CYFIP1: variants seen among roughly 807,000 people sequenced by gnomAD.
CYFIP1 encodes the protein cytoplasmic FMR1 interacting protein 1, also known as cytoplasmic FMR1-interacting protein 1.
In CYFIP1, 58 loss-of-function variants were observed where a neutral mutation model predicts 163.5. The observed-to-expected ratio is 0.35, with a 90% confidence interval of 0.29 to 0.44. The LOEUF (loss-of-function observed/expected upper bound fraction) is 0.44, where lower values mean the gene tolerates loss of function less well. Among genes scored for constraint, CYFIP1 ranks in the 20% least tolerant of loss-of-function variants. CYFIP1 has a pLI of 1.00. For synonymous variants in CYFIP1, 663 were observed against 660.7 expected (o/e 1.00, Z -0.05); for missense variants, 1,338 against 1,653.8 (o/e 0.81, Z 3.31).
At chr15:22,916,913 C>T (rs367586619) in intron 15 of CYFIP1, 28 of 1,551,622 alleles carry the variant, frequency 1.8e-5, no homozygotes, top group South Asian at 8.3e-5. Context: ...GGTAGGTGCA[C>T]GACTGCCTCA....
chr15:22,971,617 G>A (rs190447661), intron 1 of CYFIP1, among the ~76,000 whole-genome samples: 9 of 151,254 alleles, frequency 6.0e-5, no homozygotes, highest in East Asian at 3.9e-4. Flanking sequence ...CAGAGGTTGC[G>A]GTGAGCCAAG....
In CYFIP1 at chr15:22,913,548, AAAAG is replaced by A. The variant is rs1410120461; in HGVS notation, c.1985+1174_1985+1177del. On this transcript the variant is annotated intron_variant, in intron 17 of 30. Transcript: ENST00000617928. ...GTCTCAAAAAAAAAAAAAAAAAAAA[AAAAG>A]AAAGAAAGAAAAAAAAGAAAAAATT... is the stretch of plus-strand genomic sequence containing the variant. 5.8e-3 allele frequency among the ~76,000 whole-genome samples: 825 copies of A among 141,352 alleles called. 22 individuals carry two copies. Among genetic ancestry groups the A allele is most frequent in the African/African-American group, 0.023 (775 of 34,368 alleles). 92.7% of individuals were successfully genotyped at this position (141,352 alleles called of 152,430 possible). A position where few individuals can be genotyped will look rare whatever the true frequency, so the allele number is the denominator to read the frequency against.
At chr15:22,900,492 G>A (rs7494987) in intron 22 of CYFIP1, among the ~76,000 whole-genome samples, 28,299 of 150,508 alleles carry the variant, frequency 0.19, 2,994 homozygotes, top group Admixed American at 0.33. Context: ...TCCGCTGCCC[G>A]GGTTCACGCC....
chr15:22,941,603 C>T (rs1047746675), intron 6 of CYFIP1, among the ~76,000 whole-genome samples: 1 of 151,916 alleles, frequency 6.6e-6, no homozygotes, highest in African/African-American at 2.4e-5. Flanking sequence ...GGTTAACCAA[C>T]AGGGGTCCCA....
chr15:22,963,444 T>A (rs1204149891), intron 1 of CYFIP1, among the ~76,000 whole-genome samples: 1 of 151,424 alleles, frequency 6.6e-6, no homozygotes, highest in East Asian at 1.9e-4. Flanking sequence ...GAGCCAAGAC[T>A]GTGCCATTGC....
chr15:22,933,708 G>T, intron 10 of CYFIP1, 94 bp downstream of exon 10: 1 of 865,348 alleles, frequency 1.2e-6, no homozygotes, highest in Non-Finnish European at 1.9e-6. Context: ...AATGTTAACA[G>T]TGTTATCTCT....
chr15:22,935,957 C>T (rs2061698321), intron 9 of CYFIP1, among the ~76,000 whole-genome samples: 1 of 152,122 alleles, frequency 6.6e-6, no homozygotes, highest in Non-Finnish European at 1.5e-5. Context: ...GGGTAGGCCT[C>T]TTAGGGGAGA....
At chr15:22,915,853 C>G (rs984339878) in intron 16 of CYFIP1, among the ~76,000 whole-genome samples, 1 of 152,126 alleles carries the variant, frequency 6.6e-6, no homozygotes, top group Non-Finnish European at 1.5e-5. Context: ...GTCTGTCTAA[C>G]GCAAAAATGA....
At chr15:22,887,517 T>C (rs904835261) in intron 23 of CYFIP1, among the ~76,000 whole-genome samples, 11 of 152,172 alleles carry the variant, frequency 7.2e-5, no homozygotes, top group Non-Finnish European at 1.3e-4. Context: ...AATGACCTCA[T>C]GTTACAAGTG....
chr15:22,948,354 AG>A (rs1347333081), intron 1 of CYFIP1, among the ~76,000 whole-genome samples: 1 of 152,160 alleles, frequency 6.6e-6, no homozygotes, highest in Admixed American at 6.5e-5. Flanking sequence ...AGCGGCACAC[AG>A]GGGGCAGGTC....
At chr15:22,918,065 C>A in intron 14 of CYFIP1, 130 bp from the exon 15 acceptor site, 1 of 1,061,764 alleles carries the variant, frequency 9.4e-7, no homozygotes, top group Non-Finnish European at 1.4e-6. Context: ...ACTCTGGGGG[C>A]CATGGAGGGA....
intron 5 of CYFIP1, 52 bp downstream of exon 5, chr15:22,944,506 C>T: frequency 1.6e-6 from 2 of 1,259,704 alleles, no homozygotes; most frequent in South Asian, 1.3e-5. Context: ...AGGAAGGGGT[C>T]AGCAACCCAC....
At chr15:22,908,495 C>G (rs2060658770) in intron 21 of CYFIP1, among the ~76,000 whole-genome samples, 1 of 134,068 alleles carries the variant, frequency 7.5e-6, no homozygotes, top group Admixed American at 7.4e-5. Flanking sequence ...TGTGGGCTCT[C>G]TTGGTCCCTA....
At chr15:22,901,899 T>C (rs1389174354) in intron 22 of CYFIP1, among the ~76,000 whole-genome samples, 1 of 152,190 alleles carries the variant, frequency 6.6e-6, no homozygotes, top group Non-Finnish European at 1.5e-5. Flanking sequence ...GCAGACACAA[T>C]GGCTTCTACC....
At chr15:22,964,236 T>C (rs1307808293) in intron 1 of CYFIP1, among the ~76,000 whole-genome samples, 1 of 139,658 alleles carries the variant, frequency 7.2e-6, no homozygotes, top group Non-Finnish European at 1.5e-5. Flanking sequence ...ATGTGAACCC[T>C]ACCCCACCCC....
At chr15:22,966,251 A>C (rs945287659) in intron 1 of CYFIP1, among the ~76,000 whole-genome samples, 4 of 151,734 alleles carry the variant, frequency 2.6e-5, no homozygotes, top group African/African-American at 9.7e-5. Flanking sequence ...CTACACACTG[A>C]AATCCCAGCT....
At chr15:22,927,665 G>A (rs1198480238) in intron 12 of CYFIP1, among the ~76,000 whole-genome samples, 3 of 151,642 alleles carry the variant, frequency 2.0e-5, no homozygotes, top group Non-Finnish European at 2.9e-5. Flanking sequence ...AAAAAAGAAC[G>A]ACTTAAAGAA....
At position 22,873,589 on chromosome 15, in the gene CYFIP1, C is replaced by G. The variant is rs1421369340; in HGVS notation, c.3351G>C (p.Gly1117=). 2 of 1,614,120 alleles carry G rather than the reference C, an allele frequency of 1.2e-6. No homozygotes were observed. The highest frequency in any genetic ancestry group is 2.7e-5 in the African/African-American group (2 of 74,944). Residue 1117 remains glycine, a synonymous_variant, in exon 29 of 31, where the codon GGG becomes GGC. Coordinates refer to ENST00000617928, the MANE Select transcript of CYFIP1 (RefSeq NM_014608.6). ...PIWRGPLPSN[G]VMHVDECVEF... ...CCACACACTCGTCCACATGCATGAC[C>G]CCATTGCTGGGCAGAGGCCCGCGCC...
chr15:22,933,261 T>C (rs1329656765), intron 10 of CYFIP1, among the ~76,000 whole-genome samples: 1 of 152,148 alleles, frequency 6.6e-6, no homozygotes, highest in Non-Finnish European at 1.5e-5. Context: ...CACTAACTAT[T>C]GAACATTTCA....
Sources: gnomAD v4.1 joint callset for allele counts (sites outside exome capture counted in the v4.1 genomes callset) on GRCh38, gnomAD v4.1.1 for gene constraint, MANE v1.5 for transcripts, NCBI Gene and HGNC (gene_info 2026-07-23, HGNC 2026-07-21) for gene names.